The following SSC4D variants were observed in gnomAD, a reference collection of about 807,000 sequenced individuals.
SSC4D encodes the protein scavenger receptor cysteine-rich domain-containing group B protein.
SSC4D carries 57 observed loss-of-function variants against 63.4 expected under a neutral mutation model. The observed-to-expected ratio is 0.90, with a 90% CI of 0.73 to 1.12. The LOEUF (loss-of-function observed/expected upper bound fraction) is 1.12, where lower values mean the gene tolerates loss of function less well. Among genes scored for constraint, SSC4D ranks in the 50% most tolerant of loss-of-function variants. The pLI is 0.00. For missense variants in SSC4D, 791 were observed against 806.4 expected, an observed-to-expected ratio of 0.98 and a Z score of 0.23; for synonymous variants, 352 against 345.4, an observed-to-expected ratio of 1.02 and a Z score of -0.21.
chr7:76,398,589 G>T, intron 5 of SSC4D, 131 bp downstream of exon 5: 1 of 1,048,328 alleles, frequency 9.5e-7, no homozygotes. Context: ...ACAGGTGTGA[G>T]CCACCATGCC....
rs139627347 is a variant in SSC4D at position 76,395,314 on chromosome 7, C to A, written c.885G>T (p.Thr295=). The change falls in exon 7 of 11, where the codon ACG becomes ACT. Residue 295 remains threonine, a synonymous_variant. Transcript: ENST00000275560. ...GALCAGLGPP[T]LTALPSSATR... ...TGGCTGAGGATGGCAGTGCTGTGAG[C>A]GTTGGGGGACCCAGGCCTAGGGCAG... The A allele has an allele frequency of 7.4e-6, 12 of 1,613,790 alleles. No individual in the cohort carries two copies. In the Admixed American group the frequency reaches 1.8e-4, roughly 25 times the overall value.
chr7:76,397,738 G>A lies in SSC4D; in HGVS notation c.648C>T (p.Asp216=). ...HSGLWGTVCD[D]DWGLPDAAVV... ...CAGCGGCATCCGGCAGCCCCCAGTC[G>A]TCGTCACACACGGTGCCCCACAGGC... is the stretch of plus-strand genomic sequence containing the variant. The change falls in exon 6 of 11, where the codon GAC becomes GAT. Residue 216 remains aspartate, a synonymous_variant. Coordinates refer to ENST00000275560, the MANE Select transcript of SSC4D (RefSeq NM_080744.2). 3 of 1,613,276 alleles carry A rather than the reference G, an allele frequency of 1.9e-6. No individual in the cohort carries two copies. The highest frequency in any genetic ancestry group is 1.1e-5 in the South Asian group (1 of 91,054).
chr7:76,407,975 G>T (rs956887101), intron 1 of SSC4D, among the ~76,000 whole-genome samples: 1 of 152,184 alleles, frequency 6.6e-6, no homozygotes, highest in Non-Finnish European at 1.5e-5. Context: ...GGAGAGATGC[G>T]AAGGATATGT....
intron 2 of SSC4D, among the ~76,000 whole-genome samples, chr7:76,402,111 C>G (rs546104570): frequency 6.6e-6 from 1 of 151,832 alleles, no homozygotes; most frequent in African/African-American, 2.4e-5. Flanking sequence ...CCTCCAATAC[C>G]GGAGTTCAAT....
At position 76,397,671 on chromosome 7, in the gene SSC4D, T is replaced by C; in HGVS notation, c.715A>G (p.Thr239Ala). 3.1e-6 allele frequency: 5 copies of C among 1,613,394 alleles called. No homozygotes were observed. Among genetic ancestry groups the C allele is most frequent in the Non-Finnish European group, 4.2e-6 (5 of 1,179,814 alleles). ...QLGCGAAMAA[T>A]TNAFFGYGTG... ...CCATAGCCGAAGAAGGCGTTGGTGG[T>C]GGCGGCCATGGCCGCCCCGCAGCCC... The change falls in exon 6 of 11, where the codon ACC becomes GCC. Residue 239 changes from threonine to alanine, a missense_variant. Coordinates refer to ENST00000275560, the MANE Select transcript of SSC4D (RefSeq NM_080744.2).
At position 76,393,397 on chromosome 7, in the gene SSC4D, A is replaced by G; in HGVS notation, c.1333+8T>C. The G allele has an allele frequency of 7.2e-7, 1 of 1,388,160 alleles. No individual in the cohort carries two copies. The highest frequency in any genetic ancestry group is 9.3e-7 in the Non-Finnish European group (1 of 1,071,082). 86.0% of individuals were successfully genotyped at this position (1,388,160 alleles called of 1,614,324 possible). A position where few individuals can be genotyped will look rare whatever the true frequency, so the allele number is the denominator to read the frequency against. ...CGCTGTCAGCCTCACCTTCGCTGTC[A>G]GCCTCACCTGCGCAGAGCGCTCCCG... On this transcript the variant is annotated splice_region_variant and intron_variant, in intron 9 of 10. Transcript: ENST00000275560.
chr7:76,393,305 G>C (rs1248129967), intron 9 of SSC4D, 100 bp downstream of exon 9: 2 of 1,195,660 alleles, frequency 1.7e-6, no homozygotes, highest in African/African-American at 3.2e-5. Flanking sequence ...TCCCCGGGCG[G>C]CAGTGCCGCA....
chr7:76,404,197 GAAC>G (rs1342017327), intron 2 of SSC4D, 107 bp downstream of exon 2: 59 of 1,400,824 alleles, frequency 4.2e-5, no homozygotes, highest in Non-Finnish European at 3.5e-5. Flanking sequence ...GCATTGGAAA[GAAC>G]AACAGGAACG....
Position 76,398,785 on chromosome 7 carries a change from G to C in SSC4D, c.488C>G (p.Thr163Arg). The C allele has an allele frequency of 2.5e-6, 4 of 1,612,748 alleles. No individual in the cohort carries two copies. Among genetic ancestry groups the C allele is most frequent in the Non-Finnish European group, 3.4e-6 (4 of 1,179,182 alleles). The change falls in exon 5 of 11, where the codon ACG becomes AGG. Residue 163 changes from threonine to arginine, a missense_variant. Transcript: ENST00000275560. ...VAVLCDEFLP[T>R]QPPTRKMLTS... ...TAACATCTTCCTTGTTGGGGGCTGC[G>C]TTGGCAAGAATTCTGGAAAGGAAGT...
chr7:76,391,975 C>T lies in SSC4D; in HGVS notation c.1400G>A (p.Arg467Gln), dbSNP rs146280428. The T allele has an allele frequency of 1.4e-4, 221 of 1,594,432 alleles. 1 individual carries two copies. In the African/African-American group the frequency reaches 2.7e-3, roughly 19 times the overall value. The change falls in exon 10 of 11, where the codon CGG becomes CAG. Residue 467 changes from arginine to glutamine, a missense_variant. Arg to Gln is a conservative substitution (Grantham distance 43). Transcript: ENST00000275560. ...GSETTRVPTPRPRDGHLRLVN... is the reference protein window; with the variant it reads ...GSETTRVPTPQPRDGHLRLVN... ...TTATGGGCACCTACCGTCCCTGGGC[C>T]GAGGAGTGGGCACCCGCGTGGTCTC... is the stretch of plus-strand genomic sequence containing the variant.
intron 1 of SSC4D, among the ~76,000 whole-genome samples, 154 bp from the exon 2 acceptor site, chr7:76,404,659 G>C (rs1204925781): frequency 2.0e-5 from 3 of 152,132 alleles, no homozygotes; most frequent in Admixed American, 6.5e-5. Context: ...GGCCGGGTGT[G>C]GTGGCTTATG....
chr7:76,408,552 A>T (rs1805121793), intron 1 of SSC4D, among the ~76,000 whole-genome samples: 1 of 152,138 alleles, frequency 6.6e-6, no homozygotes, highest in Non-Finnish European at 1.5e-5. Context: ...CAACTTCCAG[A>T]GACCCTGCCA....
At chr7:76,400,022 A>C (rs1184344301) in intron 4 of SSC4D, among the ~76,000 whole-genome samples, 1 of 152,124 alleles carries the variant, frequency 6.6e-6, no homozygotes, top group African/African-American at 2.4e-5. Context: ...TTTTAAAGGG[A>C]GAGGGGCTCT....
rs368050475 is a variant in SSC4D, at chr7:76,389,794, C to G, written c.*265G>C. 1 of 514,886 alleles carries G rather than the reference C, an allele frequency of 1.9e-6. No individual in the cohort carries two copies. The highest frequency in any genetic ancestry group is 3.5e-6 in the Non-Finnish European group (1 of 287,706). The allele number at this position is 514,886 out of a possible 1,614,324, so 31.9% of individuals were successfully genotyped here. A position where few individuals can be genotyped will look rare whatever the true frequency, so the allele number is the denominator to read the frequency against. On this transcript the variant is annotated 3_prime_UTR_variant, in exon 11 of 11. Coordinates refer to ENST00000275560, the MANE Select transcript of SSC4D (RefSeq NM_080744.2). ...GAGTTAGGAATCATCCTCTTCCCCT[C>G]GTTTTGGTTTTGGCTGAGCAAAACC...
Position 76,393,331 on chromosome 7 carries a change from G to A in SSC4D, c.1333+74C>T, listed in dbSNP as rs548013900. On this transcript the variant is annotated intron_variant, in intron 9 of 10. Transcript: ENST00000275560. Reference sequence around the variant, plus strand: ...CAGTGCCGCAAGAGAGGCCTCGCGCGTGGCGCCGCCCCGCCCCTCCCACGC... The same window carrying A: ...CAGTGCCGCAAGAGAGGCCTCGCGCATGGCGCCGCCCCGCCCCTCCCACGC... 1.8e-5 allele frequency: 23 copies of A among 1,275,342 alleles called. No homozygotes were observed. In the African/African-American group the frequency reaches 3.1e-4, roughly 17 times the overall value. The allele number at this position is 1,275,342 out of a possible 1,614,324, so 79.0% of individuals were successfully genotyped here.
chr7:76,403,959 G>A (rs144003120), intron 2 of SSC4D, among the ~76,000 whole-genome samples: 3 of 152,030 alleles, frequency 2.0e-5, no homozygotes, highest in Non-Finnish European at 4.4e-5. Context: ...CACCGAGCCC[G>A]GCCTTCTTCT....
At chr7:76,403,081 C>T (rs1804881266) in intron 2 of SSC4D, among the ~76,000 whole-genome samples, 2 of 152,142 alleles carry the variant, frequency 1.3e-5, no homozygotes, top group Non-Finnish European at 1.5e-5. Flanking sequence ...TTACTCAGGG[C>T]CACGTAGCAA....
chr7:76,406,358 T>C (rs530504737), intron 1 of SSC4D, among the ~76,000 whole-genome samples: 1 of 152,336 alleles, frequency 6.6e-6, no homozygotes, highest in African/African-American at 2.4e-5. Flanking sequence ...TGTATTGTTT[T>C]ATTTTCAATA....
At chr7:76,396,271 C>T (rs997110552) in intron 6 of SSC4D, among the ~76,000 whole-genome samples, 7 of 152,216 alleles carry the variant, frequency 4.6e-5, no homozygotes, top group African/African-American at 1.7e-4. Context: ...CCATGAGATA[C>T]GCCCACTCGT....
Sources: gnomAD v4.1 joint callset for allele counts (sites outside exome capture counted in the v4.1 genomes callset) on GRCh38, gnomAD v4.1.1 for gene constraint, MANE v1.5 for transcripts, NCBI Gene and HGNC (gene_info 2026-07-23, HGNC 2026-07-21) for gene names.